PLCXD2: variants seen among roughly 807,000 people sequenced by gnomAD.
PLCXD2 encodes phosphatidylinositol specific phospholipase C X domain containing 2.
PLCXD2 carries 21 observed loss-of-function variants against 28.6 expected under a neutral mutation model. That is an observed-to-expected ratio of 0.73 (90% CI 0.52 to 1.06). The LOEUF (loss-of-function observed/expected upper bound fraction) is 1.06, where lower values mean the gene tolerates loss of function less well. Ranked by LOEUF, PLCXD2 falls within the 50% of genes least tolerant of loss-of-function variation. The pLI, the probability that PLCXD2 is intolerant of heterozygous loss-of-function variation, is 0.00. For missense variants in PLCXD2, 369 were observed against 376.7 expected (o/e 0.98, Z 0.17); for synonymous variants, 140 against 150.1 (o/e 0.93, Z 0.49).
chr3:111,700,828 G>C (rs1286668059), intron 1 of PLCXD2, among the ~76,000 whole-genome samples: 1 of 152,056 alleles, frequency 6.6e-6, no homozygotes, highest in African/African-American at 2.4e-5. Flanking sequence ...TGGGCTCTCA[G>C]ACTGTGTAGG....
intron 3 of PLCXD2, chr3:111,726,050 TAG>T: frequency 4.1e-6 from 1 of 244,842 alleles, no homozygotes; most frequent in Non-Finnish European, 6.4e-6. Context: ...ATCCAATCAT[TAG>T]AACTATACTG....
At chr3:111,681,507 C>G (rs1031475054) in intron 1 of PLCXD2, among the ~76,000 whole-genome samples, 2 of 152,052 alleles carry the variant, frequency 1.3e-5, no homozygotes, top group African/African-American at 4.8e-5. Context: ...TAATTCCTTC[C>G]CCCAGCTATT....
In PLCXD2 at chr3:111,708,185, T is replaced by C; in HGVS notation, c.423T>C (p.Asp141=). Reference sequence around the variant, plus strand: ...GGCTTTTTGGCATCAAGGTCTGGGATGGGCTGATGGAAATTGACTCGTTTC... The same window carrying C: ...GGCTTTTTGGCATCAAGGTCTGGGACGGGCTGATGGAAATTGACTCGTTTC... The change falls in exon 2 of 5, where the codon GAT becomes GAC. Residue 141 remains aspartate, a synonymous_variant. Transcript: ENST00000477665. The C allele has an allele frequency of 6.2e-7, 1 of 1,614,196 alleles. No individual in the cohort carries two copies. Among genetic ancestry groups the C allele is most frequent in the African/African-American group, 1.3e-5 (1 of 75,040 alleles).
chr3:111,718,522 TAGA>T (rs1559799080), intron 3 of PLCXD2, among the ~76,000 whole-genome samples: 10 of 134,510 alleles, frequency 7.4e-5, no homozygotes, highest in African/African-American at 2.5e-4. Flanking sequence ...GATAGATAGA[TAGA>T]TAGATAGATT....
chr3:111,697,404 A>T (rs1337235312), intron 1 of PLCXD2, among the ~76,000 whole-genome samples: 2 of 152,122 alleles, frequency 1.3e-5, no homozygotes, highest in African/African-American at 4.8e-5. Context: ...GTGATAAAGC[A>T]TATTGAGAGA....
At chr3:111,683,038 C>T (rs1424745619) in intron 1 of PLCXD2, among the ~76,000 whole-genome samples, 1 of 152,148 alleles carries the variant, frequency 6.6e-6, no homozygotes, top group Non-Finnish European at 1.5e-5. Flanking sequence ...TTGTAAGATT[C>T]TTCTCCCTGC....
Position 111,713,824 on chromosome 3 carries a change from C to T in PLCXD2, c.625-63C>T, listed in dbSNP as rs113006590. ...CTTTTTCCTAGCAGTCCGTATAAAA[C>T]GGAGGAGTTAACATTCAGCATTTTT... On this transcript the variant is annotated intron_variant, in intron 2 of 4. Transcript: ENST00000477665. 1.1e-3 allele frequency: 1,739 copies of T among 1,549,884 alleles called. 11 individuals carry two copies. The African/African-American group carries it at 0.02, about 17-fold the overall frequency.
At chr3:111,682,765 G>A (rs537615306) in intron 1 of PLCXD2, among the ~76,000 whole-genome samples, 3 of 152,224 alleles carry the variant, frequency 2.0e-5, no homozygotes, top group East Asian at 1.9e-4. Flanking sequence ...CAGCATTCTC[G>A]TCCACCCTCC....
intron 1 of PLCXD2, among the ~76,000 whole-genome samples, chr3:111,685,199 A>G (rs1232729289): frequency 6.6e-6 from 1 of 152,208 alleles, no homozygotes; most frequent in East Asian, 1.9e-4. Flanking sequence ...ATTATACCCA[A>G]TATCAGAAGG....
chr3:111,699,920 A>G (rs1446635167), intron 1 of PLCXD2, among the ~76,000 whole-genome samples: 1 of 152,232 alleles, frequency 6.6e-6, no homozygotes, highest in Non-Finnish European at 1.5e-5. Flanking sequence ...TACATGGGAA[A>G]GGCACTTCAC....
intron 2 of PLCXD2, among the ~76,000 whole-genome samples, chr3:111,711,786 T>A (rs568977612): frequency 6.6e-6 from 1 of 152,282 alleles, no homozygotes; most frequent in South Asian, 2.1e-4. Context: ...GACAATTGCA[T>A]GATAAAAGTG....
At chr3:111,679,340 G>A (rs1940676404) in intron 1 of PLCXD2, among the ~76,000 whole-genome samples, 1 of 152,112 alleles carries the variant, frequency 6.6e-6, no homozygotes, top group African/African-American at 2.4e-5. Flanking sequence ...ATGGCTAGAG[G>A]ACACCCTCTC....
chr3:111,681,736 C>T (rs747234402), intron 1 of PLCXD2, among the ~76,000 whole-genome samples: 9 of 152,174 alleles, frequency 5.9e-5, no homozygotes, highest in Non-Finnish European at 1.2e-4. Context: ...ACCCTTGGAG[C>T]GTGCTGCTTG....
chr3:111,722,680 T>C (rs1000114212), intron 3 of PLCXD2: 1 of 152,198 alleles, frequency 6.6e-6, no homozygotes, highest in Non-Finnish European at 1.5e-5. Context: ...TTATAAAGAT[T>C]GTCAGACTCT....
At chr3:111,719,400 T>C (rs538690882) in intron 3 of PLCXD2, among the ~76,000 whole-genome samples, 2 of 152,100 alleles carry the variant, frequency 1.3e-5, no homozygotes, top group Non-Finnish European at 2.9e-5. Context: ...AACAATTTTT[T>C]TAAAAGAAAA....
At chr3:111,698,198 C>T (rs1296797377) in intron 1 of PLCXD2, among the ~76,000 whole-genome samples, 1 of 152,136 alleles carries the variant, frequency 6.6e-6, no homozygotes, top group East Asian at 1.9e-4. Context: ...TTCTATTAGC[C>T]AAGGACTCTT....
At chr3:111,702,083 G>C (rs1276494804) in intron 1 of PLCXD2, among the ~76,000 whole-genome samples, 1 of 152,108 alleles carries the variant, frequency 6.6e-6, no homozygotes, top group South Asian at 2.1e-4. Context: ...GGTAAACTGG[G>C]GAGTGGGACT....
chr3:111,699,664 A>C (rs1490913619), intron 1 of PLCXD2, among the ~76,000 whole-genome samples: 1 of 152,122 alleles, frequency 6.6e-6, no homozygotes, highest in African/African-American at 2.4e-5. Context: ...TCGCATTCAA[A>C]TCTCTCTCTT....
At chr3:111,697,062 A>T (rs1220440236) in intron 1 of PLCXD2, among the ~76,000 whole-genome samples, 3 of 152,138 alleles carry the variant, frequency 2.0e-5, no homozygotes, top group Non-Finnish European at 4.4e-5. Flanking sequence ...AACCGAGAAG[A>T]CCTTAGCTCC....
Sources: gnomAD v4.1 joint callset for allele counts (sites outside exome capture counted in the v4.1 genomes callset) on GRCh38, gnomAD v4.1.1 for gene constraint, MANE v1.5 for transcripts, NCBI Gene and HGNC (gene_info 2026-07-23, HGNC 2026-07-21) for gene names.